The following ASIC2 variants were observed in gnomAD, a reference collection of about 807,000 sequenced individuals.
ASIC2 encodes the protein acid-sensing ion channel 2.
In ASIC2, 25 loss-of-function variants were observed where a neutral mutation model predicts 57.3. The observed-to-expected ratio is 0.44, with a 90% CI of 0.32 to 0.61. The LOEUF (loss-of-function observed/expected upper bound fraction) is 0.61, where lower values mean the gene tolerates loss of function less well. ASIC2 is among the 20% of genes least tolerant of loss of function. ASIC2 has a pLI of 0.06. For synonymous variants in ASIC2, 319 were observed against 307.5 expected (o/e 1.04, Z -0.39); for missense variants, 641 against 738.1 (o/e 0.87, Z 1.52).
At chr17:33,127,905 A>G (rs142349921) in intron 1 of ASIC2, among the ~76,000 whole-genome samples, 14 of 152,312 alleles carry the variant, frequency 9.2e-5, no homozygotes, top group Non-Finnish European at 1.5e-4. Flanking sequence ...TTGTTGAGAA[A>G]TCACAAGACC....
chr17:33,083,706 A>G (rs878943235), intron 3 of ASIC2, among the ~76,000 whole-genome samples: 2 of 152,154 alleles, frequency 1.3e-5, no homozygotes, highest in Admixed American at 1.3e-4. Flanking sequence ...TGTTTGGTGG[A>G]TGGTTCTGCA....
intron 1 of ASIC2, among the ~76,000 whole-genome samples, chr17:33,929,077 C>A (rs1408215599): frequency 1.3e-5 from 2 of 152,132 alleles, no homozygotes; most frequent in Non-Finnish European, 2.9e-5. Context: ...CACAAGAACG[C>A]TATTTGAGTT....
intron 1 of ASIC2, among the ~76,000 whole-genome samples, chr17:33,918,353 G>A (rs1915635244): frequency 6.6e-6 from 1 of 152,044 alleles, no homozygotes; most frequent in Non-Finnish European, 1.5e-5. Context: ...CAATAAAATT[G>A]TAAAGTCTCT....
intron 1 of ASIC2, among the ~76,000 whole-genome samples, chr17:33,966,905 C>A (rs1301765232): frequency 2.0e-5 from 3 of 152,114 alleles, no homozygotes; most frequent in Admixed American, 2.0e-4. Flanking sequence ...GTCTCCATGA[C>A]CCCCCGCACC....
At chr17:33,805,093 C>T (rs768685226) in intron 1 of ASIC2, among the ~76,000 whole-genome samples, 1 of 152,160 alleles carries the variant, frequency 6.6e-6, no homozygotes, top group Non-Finnish European at 1.5e-5. Flanking sequence ...AGCAACACCC[C>T]TCGACCTTTT....
intron 1 of ASIC2, among the ~76,000 whole-genome samples, chr17:33,392,233 T>G (rs916078807): frequency 4.7e-5 from 7 of 149,506 alleles, no homozygotes; most frequent in Non-Finnish European, 7.4e-5. Context: ...CTTCCTTCCT[T>G]CCTTCCTTTT....
At chr17:33,051,197 C>T (rs2141928376) in intron 3 of ASIC2, among the ~76,000 whole-genome samples, 1 of 152,228 alleles carries the variant, frequency 6.6e-6, no homozygotes, top group Admixed American at 6.5e-5. Flanking sequence ...GGAGGACAGG[C>T]ATATCATCAC....
intron 1 of ASIC2, among the ~76,000 whole-genome samples, chr17:33,887,136 C>T (rs550663934): frequency 6.6e-6 from 1 of 152,168 alleles, no homozygotes; most frequent in South Asian, 2.1e-4. Context: ...CAGATGCTGC[C>T]AAAAGCCCAT....
chr17:34,155,533 A>C (rs1470000534), intron 1 of ASIC2: 1 of 173,656 alleles, frequency 5.8e-6, no homozygotes, highest in African/African-American at 2.4e-5. Flanking sequence ...CCCAGCCCAC[A>C]GGATGCAGTG....
intron 7 of ASIC2, among the ~76,000 whole-genome samples, chr17:33,019,453 G>T (rs1300214029): frequency 1.3e-5 from 2 of 151,944 alleles, no homozygotes; most frequent in African/African-American, 4.8e-5. Flanking sequence ...GTGTGCATTT[G>T]TGTGTGTGGT....
chr17:34,026,008 G>T (rs1907365118), intron 1 of ASIC2, among the ~76,000 whole-genome samples: 1 of 152,184 alleles, frequency 6.6e-6, no homozygotes, highest in Non-Finnish European at 1.5e-5. Context: ...GGTATGGTGG[G>T]TTTAATCTCA....
chr17:33,829,163 CA>C (rs1913029220), intron 1 of ASIC2, among the ~76,000 whole-genome samples: 1 of 152,106 alleles, frequency 6.6e-6, no homozygotes, highest in Non-Finnish European at 1.5e-5. Flanking sequence ...ACCTGGTCAA[CA>C]AAAGGGTGGG....
intron 1 of ASIC2, among the ~76,000 whole-genome samples, chr17:33,889,223 T>C (rs778451777): frequency 3.3e-5 from 5 of 152,152 alleles, no homozygotes; most frequent in Non-Finnish European, 7.3e-5. Flanking sequence ...GGAGAGCATC[T>C]GGTTCAACCC....
intron 1 of ASIC2, among the ~76,000 whole-genome samples, chr17:33,951,579 CTTTTCTTT>C (rs1480175514): frequency 3.3e-5 from 5 of 150,732 alleles, no homozygotes; most frequent in African/African-American, 9.8e-5. Flanking sequence ...TTTCTTTTTT[CTTTTCTTT>C]TTTTCTTTTT....
At chr17:33,595,106 G>A (rs1465854843) in intron 1 of ASIC2, among the ~76,000 whole-genome samples, 1 of 151,828 alleles carries the variant, frequency 6.6e-6, no homozygotes, top group Non-Finnish European at 1.5e-5. Flanking sequence ...AGTACCTGTG[G>A]TTCCACCTAC....
intron 1 of ASIC2, among the ~76,000 whole-genome samples, chr17:33,943,308 T>A (rs1221313286): frequency 6.6e-6 from 1 of 152,232 alleles, no homozygotes; most frequent in East Asian, 1.9e-4. Flanking sequence ...CACTTCCCCA[T>A]CTGCCCTCAT....
intron 1 of ASIC2, among the ~76,000 whole-genome samples, chr17:33,653,002 T>G (rs1906970296): frequency 6.6e-6 from 1 of 152,258 alleles, no homozygotes; most frequent in Non-Finnish European, 1.5e-5. Context: ...GCAAATGATC[T>G]TGGCATGCTT....
At chr17:33,142,931 G>T (rs1177597095) in intron 1 of ASIC2, among the ~76,000 whole-genome samples, 1 of 152,198 alleles carries the variant, frequency 6.6e-6, no homozygotes, top group Non-Finnish European at 1.5e-5. Context: ...CTGAAGGCTA[G>T]GGCTGAGTGT....
chr17:33,203,213 G>A (rs1308993456), intron 1 of ASIC2, among the ~76,000 whole-genome samples: 1 of 152,224 alleles, frequency 6.6e-6, no homozygotes, highest in African/African-American at 2.4e-5. Flanking sequence ...GCAGCCCGAA[G>A]GCAGGGATCA....
Sources: gnomAD v4.1 joint callset for allele counts (sites outside exome capture counted in the v4.1 genomes callset) on GRCh38, gnomAD v4.1.1 for gene constraint, MANE v1.5 for transcripts, NCBI Gene and HGNC (gene_info 2026-07-23, HGNC 2026-07-21) for gene names.